MCPH1: variants seen among roughly 807,000 people sequenced by gnomAD.
MCPH1 encodes microcephalin.
In MCPH1, 104 loss-of-function variants were observed where a neutral mutation model predicts 84.5. The observed-to-expected ratio is 1.23, with a 90% CI of 1.05 to 1.45. The LOEUF (loss-of-function observed/expected upper bound fraction) is 1.45. Among genes scored for constraint, MCPH1 ranks in the 40% most tolerant of loss-of-function variants. The pLI, the probability that MCPH1 is intolerant of heterozygous loss-of-function variation, is 0.00. For synonymous variants in MCPH1, 514 were observed against 366.8 expected (o/e 1.40, Z -4.58); for missense variants, 1,498 against 1,005.7 (o/e 1.49, Z -6.62).
intron 12 of MCPH1, among the ~76,000 whole-genome samples, chr8:6,592,820 A>ATT (rs67091563): frequency 0.018 from 2,396 of 134,266 alleles, 80 homozygotes; most frequent in African/African-American, 0.061. Context: ...ACACCTGGCA[A>ATT]TTTTTTTTTT....
chr8:6,582,338 A>C (rs570353423), intron 12 of MCPH1, among the ~76,000 whole-genome samples: 1 of 152,208 alleles, frequency 6.6e-6, no homozygotes, highest in Non-Finnish European at 1.5e-5. Context: ...ACTCTTCAAC[A>C]TAGGTAGCCT....
Position 6,410,270 on chromosome 8 carries a change from G to A in MCPH1, c.114+900G>A, listed in dbSNP as rs559526797. On this transcript the variant is annotated intron_variant, in intron 2 of 13. Coordinates refer to ENST00000344683, the MANE Select transcript of MCPH1 (RefSeq NM_024596.5). ...ATTACAGGCATGAGCCACCGAGCCC[G>A]GCCAGGAGTAATTTTTTAATTGCCT... is the stretch of plus-strand genomic sequence containing the variant. Among the ~76,000 whole-genome samples the A allele has an allele frequency of 5.3e-5, 8 of 151,902 alleles. No homozygotes were observed. The East Asian group carries it at 1.2e-3, about 22-fold the overall frequency.
At chr8:6,576,068 A>G (rs890508324) in intron 12 of MCPH1, among the ~76,000 whole-genome samples, 1 of 148,422 alleles carries the variant, frequency 6.7e-6, no homozygotes, top group Non-Finnish European at 1.5e-5. Context: ...AAAAAAAAAA[A>G]GTAATAGGAA....
chr8:6,506,920 G>A (rs1190517550), intron 12 of MCPH1, among the ~76,000 whole-genome samples: 2 of 149,980 alleles, frequency 1.3e-5, no homozygotes, highest in Non-Finnish European at 3.0e-5. Flanking sequence ...TTTTTGAGAC[G>A]GAGTCTCACT....
chr8:6,407,567 G>A (rs1797920126), intron 1 of MCPH1, among the ~76,000 whole-genome samples: 1 of 152,180 alleles, frequency 6.6e-6, no homozygotes, highest in African/African-American at 2.4e-5. Context: ...AAAGGGGCCT[G>A]TATTGTGGGG....
intron 12 of MCPH1, among the ~76,000 whole-genome samples, chr8:6,522,016 T>A (rs540969072): frequency 1.8e-4 from 28 of 152,322 alleles, no homozygotes; most frequent in African/African-American, 6.0e-4. Context: ...ATTAGGATAC[T>A]ATCACCTAGG....
chr8:6,505,262 T>TAGAA (rs1563305275), intron 12 of MCPH1, among the ~76,000 whole-genome samples: 2 of 23,436 alleles, frequency 8.5e-5, no homozygotes, highest in Non-Finnish European at 1.7e-4. Context: ...TATATATGTT[T>TAGAA]TATATATATG....
At chr8:6,626,763 G>T in intron 13 of MCPH1, 1 of 985,288 alleles carries the variant, frequency 1.0e-6, no homozygotes, top group South Asian at 4.7e-5. Context: ...GTGGAGCTCT[G>T]AGCCCTGGCG....
chr8:6,596,341 G>C (rs555858861), intron 12 of MCPH1, among the ~76,000 whole-genome samples: 1 of 152,312 alleles, frequency 6.6e-6, no homozygotes, highest in Non-Finnish European at 1.5e-5. Flanking sequence ...AGCTGCATGA[G>C]TGGGTCTATG....
At chr8:6,425,647 A>C (rs978426239) in intron 3 of MCPH1, among the ~76,000 whole-genome samples, 1 of 152,220 alleles carries the variant, frequency 6.6e-6, no homozygotes, top group Non-Finnish European at 1.5e-5. Flanking sequence ...TGTATAACCT[A>C]TGTCAGGCAC....
chr8:6,525,259 A>G (rs534890638), intron 12 of MCPH1, among the ~76,000 whole-genome samples: 1 of 152,258 alleles, frequency 6.6e-6, no homozygotes, highest in East Asian at 1.9e-4. Context: ...ATCGTTGTAA[A>G]TTAGTATGTA....
At chr8:6,509,396 G>A (rs1167157908) in intron 12 of MCPH1, among the ~76,000 whole-genome samples, 1 of 152,148 alleles carries the variant, frequency 6.6e-6, no homozygotes, top group African/African-American at 2.4e-5. Context: ...CTCCTCCCAG[G>A]TCTCCAGTCA....
At chr8:6,607,968 G>C (rs1415717277) in intron 12 of MCPH1, among the ~76,000 whole-genome samples, 1 of 152,200 alleles carries the variant, frequency 6.6e-6, no homozygotes, top group Non-Finnish European at 1.5e-5. Flanking sequence ...GAAGTGGGTG[G>C]AGCTGGGAAA....
At chr8:6,615,947 A>C (rs1394494498) in intron 12 of MCPH1, 1 of 152,158 alleles carries the variant, frequency 6.6e-6, no homozygotes, top group African/African-American at 2.4e-5. Context: ...TGAAATATTT[A>C]TTTAATACCT....
chr8:6,457,864 C>T (rs117915384), intron 9 of MCPH1, among the ~76,000 whole-genome samples: 1 of 152,148 alleles, frequency 6.6e-6, no homozygotes, highest in Admixed American at 6.5e-5. Context: ...GAATCAAAAA[C>T]TCCTAATGCC....
chr8:6,612,858 G>A lies in MCPH1; in HGVS notation c.2215-8596G>A, dbSNP rs1228540453. Among the ~76,000 whole-genome samples, 8 of 152,242 alleles carry A rather than the reference G, an allele frequency of 5.3e-5. No homozygotes were observed. The South Asian group carries it at 8.3e-4, about 16-fold the overall frequency. ...AAAGGCAGAGCGTGTGAGTTTAGTG[G>A]GCGTGCGCCACTCTTTCAAGAAGTT... On this transcript the variant is annotated intron_variant, in intron 12 of 13. Transcript: ENST00000344683.
intron 9 of MCPH1, among the ~76,000 whole-genome samples, chr8:6,470,946 C>T (rs1479332247): frequency 6.6e-6 from 1 of 152,240 alleles, no homozygotes; most frequent in Admixed American, 6.5e-5. Context: ...TCCTTCTTTG[C>T]TCATACCATT....
At chr8:6,626,141 A>G in intron 13 of MCPH1, 4 of 985,308 alleles carry the variant, frequency 4.1e-6, no homozygotes, top group African/African-American at 1.7e-5. Context: ...ACTTGTAAGA[A>G]TTTCTTTCGA....
At chr8:6,616,697 G>C (rs1380522334) in intron 12 of MCPH1, 5 of 152,162 alleles carry the variant, frequency 3.3e-5, no homozygotes, top group Admixed American at 6.5e-5. Context: ...TATATGCATG[G>C]GTATGAAATG....
Sources: allele counts gnomAD v4.1 joint callset (sites outside exome capture counted in the v4.1 genomes callset), GRCh38; gene constraint gnomAD v4.1.1; transcripts MANE v1.5; gene names NCBI Gene and HGNC (gene_info 2026-07-23, HGNC 2026-07-21).